The following UBE4B variants were observed in gnomAD, a reference collection of about 807,000 sequenced individuals.
UBE4B encodes the protein ubiquitin conjugation factor E4 B.
In UBE4B, 27 loss-of-function variants were observed where a neutral mutation model predicts 148.1. That is an observed-to-expected ratio of 0.18 (90% CI 0.13 to 0.25). The LOEUF (loss-of-function observed/expected upper bound fraction) is 0.25. Ranked by LOEUF, UBE4B falls within the 10% of genes least tolerant of loss-of-function variation. UBE4B has a pLI of 1.00. For missense variants in UBE4B, 1,170 were observed against 1,662.4 expected, an observed-to-expected ratio of 0.70 and a Z score of 5.15; for synonymous variants, 596 against 619.3, an observed-to-expected ratio of 0.96 and a Z score of 0.56.
In UBE4B at chr1:10,151,348, G is replaced by A; in HGVS notation, c.2713G>A (p.Glu905Lys). The A allele has an allele frequency of 2.5e-6, 4 of 1,614,014 alleles. No individual in the cohort carries two copies. The highest frequency in any genetic ancestry group is 3.4e-6 in the Non-Finnish European group (4 of 1,179,992). ...IVQYSPQALY[E>K]PCTQDIVMFL... ...CAGATACTCTCCCCAGGCGCTTTAT[G>A]AGCCCTGTACTCAGGATATTGTGAT... Residue 905 changes from glutamate (E) to lysine (K), a missense_variant, in exon 21 of 28, where the codon GAG (glutamate) becomes AAG (lysine). Physicochemically the swap from Glu to Lys is moderately conservative, Grantham distance 56 (BLOSUM62 1). Coordinates refer to ENST00000343090, the MANE Select transcript of UBE4B (RefSeq NM_001105562.3).
At chr1:10,100,470 G>A (rs1450443591) in intron 3 of UBE4B, among the ~76,000 whole-genome samples, 1 of 152,152 alleles carries the variant, frequency 6.6e-6, no homozygotes, top group Non-Finnish European at 1.5e-5. Flanking sequence ...CGGACCATAG[G>A]CGCATGCCAA....
intron 17 of UBE4B, among the ~76,000 whole-genome samples, chr1:10,144,621 G>C (rs1331472698): frequency 1.3e-5 from 2 of 151,804 alleles, no homozygotes; most frequent in East Asian, 3.9e-4. Context: ...TGTAATCCCA[G>C]CTACTTGGGA....
At chr1:10,171,939 G>T (rs184592009) in intron 25 of UBE4B, among the ~76,000 whole-genome samples, 1 of 152,084 alleles carries the variant, frequency 6.6e-6, no homozygotes, top group Non-Finnish European at 1.5e-5. Context: ...CAGGTTTGGC[G>T]CTCTGAGCCC....
intron 23 of UBE4B, among the ~76,000 whole-genome samples, chr1:10,164,555 T>C (rs1646218469): frequency 6.6e-6 from 1 of 152,188 alleles, no homozygotes; most frequent in Non-Finnish European, 1.5e-5. Context: ...CTATAGCACA[T>C]TCTCGTATTC....
At chr1:10,065,297 C>G (rs1644366604) in intron 1 of UBE4B, among the ~76,000 whole-genome samples, 1 of 152,054 alleles carries the variant, frequency 6.6e-6, no homozygotes, top group Non-Finnish European at 1.5e-5. Flanking sequence ...AGCAAAGATC[C>G]AGGTCAGGGA....
chr1:10,171,300 C>G lies in UBE4B; in HGVS notation c.3496C>G (p.Arg1166Gly). 6.2e-7 allele frequency: 1 copy of G among 1,613,876 alleles called. No individual in the cohort carries two copies. The highest frequency in any genetic ancestry group is 2.2e-5 in the East Asian group (1 of 44,878). Residue 1166 changes from arginine to glycine, a missense_variant, in exon 25 of 28, where the codon CGG becomes GGG. Arg to Gly is a moderately radical substitution (Grantham distance 125). This residue lies in a region of UBE4B where 348 missense variants were observed against 627.2 expected (regional missense o/e 0.55). Transcript: ENST00000343090. ...TDIYLQLDCA[R>G]FAKAIADDQR... ...TATTTACTTACAGCTGGACTGTGCT[C>G]GGTTCGCGAAAGCCATTGCTGACGA...
intron 2 of UBE4B, among the ~76,000 whole-genome samples, chr1:10,077,287 A>C (rs909437154): frequency 1.3e-5 from 2 of 152,142 alleles, no homozygotes; most frequent in African/African-American, 2.4e-5. Flanking sequence ...ACATAACTCC[A>C]GTCTTCACGT....
At chr1:10,176,579 C>T (rs1394799272) in intron 25 of UBE4B, among the ~76,000 whole-genome samples, 19 of 152,034 alleles carry the variant, frequency 1.2e-4, no homozygotes, top group Admixed American at 1.2e-3. Flanking sequence ...CTTAAATACT[C>T]ATCCTAGTGG....
intron 16 of UBE4B, among the ~76,000 whole-genome samples, chr1:10,136,147 T>G (rs1168091248): frequency 6.6e-6 from 1 of 152,156 alleles, no homozygotes; most frequent in African/African-American, 2.4e-5. Flanking sequence ...AATGGAGATT[T>G]TATACAATAC....
intron 25 of UBE4B, among the ~76,000 whole-genome samples, chr1:10,172,293 A>G (rs1646350856): frequency 6.6e-6 from 1 of 152,240 alleles, no homozygotes; most frequent in African/African-American, 2.4e-5. Context: ...ACGTCCTCAC[A>G]GCTAATGTTT....
intron 7 of UBE4B, among the ~76,000 whole-genome samples, chr1:10,115,256 G>T (rs1325829491): frequency 6.6e-6 from 1 of 151,432 alleles, no homozygotes; most frequent in Non-Finnish European, 1.5e-5. Context: ...AAAAGTGCTG[G>T]GATTACAGGC....
intron 1 of UBE4B, among the ~76,000 whole-genome samples, chr1:10,041,844 A>G (rs991831120): frequency 2.6e-5 from 4 of 151,418 alleles, no homozygotes; most frequent in African/African-American, 4.9e-5. Context: ...TTACAGGCAC[A>G]TGCCACTACT....
Position 10,126,778 on chromosome 1 carries a change from G to GTT in UBE4B, c.1555-9_1555-8dup. 1 of 1,599,562 alleles carries GTT rather than the reference G, an allele frequency of 6.3e-7. No homozygotes were observed. Among genetic ancestry groups the GTT allele is most frequent in the Non-Finnish European group, 8.6e-7 (1 of 1,167,612 alleles). On this transcript the variant is annotated splice_polypyrimidine_tract_variant and intron_variant, in intron 10 of 27. Transcript: ENST00000343090. Reference sequence around the variant, plus strand: ...CTCTTAAACTTATATTTCTGATTTTGTTTTTTTTCTTATAGATATTTATCC... The same window carrying GTT: ...CTCTTAAACTTATATTTCTGATTTTGTTTTTTTTTTCTTATAGATATTTATCC...
rs1646166971 is a variant in UBE4B, at chr1:10,161,946, T to C, written c.3198+660T>C. On this transcript the variant is annotated intron_variant, in intron 23 of 27. Coordinates refer to ENST00000343090, the MANE Select transcript of UBE4B (RefSeq NM_001105562.3). The surrounding 1 kb of genome is among the most constrained non-coding windows in gnomAD (Gnocchi z 4.1). Reference sequence around the variant, plus strand: ...TTGTCAGGCTCAGAATCAGAACTGATTTCCATAAGGGGTTCTCATGTCAAA... The same window carrying C: ...TTGTCAGGCTCAGAATCAGAACTGACTTCCATAAGGGGTTCTCATGTCAAA... Among the ~76,000 whole-genome samples the C allele has an allele frequency of 6.6e-6, 1 of 152,178 alleles. No homozygotes were observed. The highest frequency in any genetic ancestry group is 6.5e-5 in the Admixed American group (1 of 15,274).
chr1:10,097,052 A>AAAAAAAAAAAATAAT (rs554089049), intron 3 of UBE4B, among the ~76,000 whole-genome samples: 2 of 138,514 alleles, frequency 1.4e-5, no homozygotes, highest in Non-Finnish European at 3.1e-5. Flanking sequence ...AAAAAAAAAA[A>AAAAAAAAAAAATAAT]AATAATAATA....
At chr1:10,174,392 C>G (rs886654632) in intron 25 of UBE4B, among the ~76,000 whole-genome samples, 1 of 109,958 alleles carries the variant, frequency 9.1e-6, no homozygotes, top group East Asian at 2.7e-4. Flanking sequence ...GACTCCATAT[C>G]AAAAAAAAAA....
chr1:10,043,786 T>C (rs1643863819), intron 1 of UBE4B, among the ~76,000 whole-genome samples: 1 of 152,158 alleles, frequency 6.6e-6, no homozygotes, highest in Non-Finnish European at 1.5e-5. Context: ...AGTTGTGACA[T>C]AGTTGTCATT....
chr1:10,157,994 G>A (rs760331328), intron 21 of UBE4B, among the ~76,000 whole-genome samples: 52 of 152,140 alleles, frequency 3.4e-4, no homozygotes, highest in African/African-American at 1.1e-3. Flanking sequence ...CTTTTTATCC[G>A]CTGAAGTATG....
chr1:10,033,926 A>C (rs1177897189), intron 1 of UBE4B, among the ~76,000 whole-genome samples: 1 of 152,024 alleles, frequency 6.6e-6, no homozygotes, highest in Non-Finnish European at 1.5e-5. Context: ...GTGTTCTTTT[A>C]GGGTATGAAC....
Sources: gnomAD v4.1 joint callset for allele counts (sites outside exome capture counted in the v4.1 genomes callset) on GRCh38, gnomAD v4.1.1 for gene constraint, gnomAD v4.1.1 regional missense constraint, Gnocchi (gnomAD v3.1) non-coding constraint, MANE v1.5 for transcripts, NCBI Gene and HGNC (gene_info 2026-07-23, HGNC 2026-07-21) for gene names.